The following GALNT13 variants were observed in gnomAD, a reference collection of about 807,000 sequenced individuals.
The protein encoded by GALNT13 is polypeptide N-acetylgalactosaminyltransferase 13.
Under a neutral mutation model 64.2 loss-of-function variants are expected in GALNT13, and 28 were observed. The ratio of observed to expected loss-of-function variants is 0.44; its 90% CI spans 0.32 to 0.60. The LOEUF is 0.60. Ranked by LOEUF, GALNT13 falls within the 20% of genes least tolerant of loss-of-function variation. GALNT13 has a pLI of 0.05. For missense variants in GALNT13, 577 were observed against 669.8 expected, an observed-to-expected ratio of 0.86 and a Z score of 1.53; for synonymous variants, 214 against 224.6, an observed-to-expected ratio of 0.95 and a Z score of 0.42.
intron 3 of GALNT13, among the ~76,000 whole-genome samples, chr2:154,016,785 GAAC>G (rs1008794386): frequency 2.6e-5 from 4 of 152,084 alleles, no homozygotes; most frequent in Admixed American, 6.6e-5. Context: ...CTAGAAAACT[GAAC>G]AACAATAATA....
chr2:153,825,942 T>C, the GALNT13 span, among the ~76,000 whole-genome samples: 1 of 152,180 alleles, frequency 6.6e-6, no homozygotes, highest in African/African-American at 2.4e-5. Context: ...GTGTTTATCC[T>C]AGCTCCCTGG....
At chr2:153,302,781 A>C in the GALNT13 span, among the ~76,000 whole-genome samples, 23 of 152,314 alleles carry the variant, frequency 1.5e-4, no homozygotes, top group South Asian at 2.1e-3. Flanking sequence ...TTGTTCCAAC[A>C]CCATTTATTG....
intron 4 of GALNT13, among the ~76,000 whole-genome samples, chr2:154,182,872 C>A (rs941729005): frequency 1.3e-5 from 2 of 151,972 alleles, no homozygotes; most frequent in Non-Finnish European, 2.9e-5. Context: ...TTCTCAGGGA[C>A]AAATCCCACT....
the GALNT13 span, among the ~76,000 whole-genome samples, chr2:153,746,866 T>C: frequency 6.6e-6 from 1 of 152,172 alleles, no homozygotes; most frequent in Non-Finnish European, 1.5e-5. Flanking sequence ...TCAGTATGTT[T>C]ATTAAATATT....
At chr2:153,277,383 T>A in the GALNT13 span, among the ~76,000 whole-genome samples, 1 of 152,226 alleles carries the variant, frequency 6.6e-6, no homozygotes, top group Non-Finnish European at 1.5e-5. Flanking sequence ...AAGTACATAA[T>A]TTCATTCTCT....
At chr2:153,269,848 G>A in the GALNT13 span, among the ~76,000 whole-genome samples, 1 of 152,138 alleles carries the variant, frequency 6.6e-6, no homozygotes, top group African/African-American at 2.4e-5. Flanking sequence ...GAAGGGGGAT[G>A]TGCCACCTTT....
the GALNT13 span, among the ~76,000 whole-genome samples, chr2:153,750,484 C>T: frequency 2.0e-5 from 3 of 151,476 alleles, no homozygotes; most frequent in East Asian, 5.8e-4. Context: ...ATTTTTATTA[C>T]GTTTTGATAT....
At chr2:153,246,000 C>A in the GALNT13 span, among the ~76,000 whole-genome samples, 50 of 151,668 alleles carry the variant, frequency 3.3e-4, no homozygotes, top group African/African-American at 1.1e-3. Context: ...CTTCGTAAAG[C>A]ATACACAAGT....
At chr2:153,562,814 C>T in the GALNT13 span, among the ~76,000 whole-genome samples, 1 of 151,990 alleles carries the variant, frequency 6.6e-6, no homozygotes, top group African/African-American at 2.4e-5. Flanking sequence ...TTATCCTTTC[C>T]TTTCCTTTAC....
the GALNT13 span, among the ~76,000 whole-genome samples, chr2:153,619,718 A>G: frequency 1.3e-5 from 2 of 152,098 alleles, no homozygotes; most frequent in African/African-American, 2.4e-5. Flanking sequence ...CAGATATACT[A>G]TTGTAAGGTA....
At chr2:154,113,858 GT>G (rs1463452072) in intron 3 of GALNT13, among the ~76,000 whole-genome samples, 1 of 152,232 alleles carries the variant, frequency 6.6e-6, no homozygotes, top group East Asian at 1.9e-4. Context: ...ATTGCTTCTG[GT>G]GGGCCTTATG....
At chr2:153,492,508 C>A in the GALNT13 span, among the ~76,000 whole-genome samples, 1 of 151,386 alleles carries the variant, frequency 6.6e-6, no homozygotes, top group Non-Finnish European at 1.5e-5. Context: ...ACTAAAGAAG[C>A]TAGCAAGAGA....
chr2:154,061,039 G>GCTT (rs1272108144), intron 3 of GALNT13, among the ~76,000 whole-genome samples: 102 of 63,654 alleles, frequency 1.6e-3, no homozygotes, highest in African/African-American at 5.4e-3. Flanking sequence ...AGTCTTCTTA[G>GCTT]CTTATATATA....
chr2:153,646,709 G>A, the GALNT13 span, among the ~76,000 whole-genome samples: 130 of 152,060 alleles, frequency 8.5e-4, no homozygotes, highest in Middle Eastern at 3.4e-3. Flanking sequence ...GAGAATATGC[G>A]GTGTTTGGTT....
chr2:153,374,893 A>T, the GALNT13 span, among the ~76,000 whole-genome samples: 1 of 152,116 alleles, frequency 6.6e-6, no homozygotes, highest in South Asian at 2.1e-4. Context: ...TGCTGCTGCT[A>T]TTACCAATTC....
chr2:153,520,508 T>A, the GALNT13 span, among the ~76,000 whole-genome samples: 1 of 152,192 alleles, frequency 6.6e-6, no homozygotes, highest in Non-Finnish European at 1.5e-5. Context: ...AAATCAGAAC[T>A]CAGTCTGACC....
At chr2:153,504,900 A>G in the GALNT13 span, among the ~76,000 whole-genome samples, 2 of 152,180 alleles carry the variant, frequency 1.3e-5, no homozygotes, top group South Asian at 4.1e-4. Context: ...GCTTCATAGA[A>G]TGGTTTAGGA....
chr2:153,767,805 T>C, the GALNT13 span, among the ~76,000 whole-genome samples: 55,680 of 151,002 alleles, frequency 0.37, 10,634 homozygotes, highest in African/African-American at 0.44. Flanking sequence ...TTTTTTTTTT[T>C]CCCCCTGTTT....
At chr2:154,366,384 G>GA (rs1697364800) in intron 9 of GALNT13, among the ~76,000 whole-genome samples, 1 of 152,140 alleles carries the variant, frequency 6.6e-6, no homozygotes, top group East Asian at 1.9e-4. Context: ...CGCTATATAT[G>GA]TAATTAACAT....
Sources: allele counts gnomAD v4.1 joint callset (sites outside exome capture counted in the v4.1 genomes callset), GRCh38; gene constraint gnomAD v4.1.1; transcripts MANE v1.5; gene names NCBI Gene and HGNC (gene_info 2026-07-23, HGNC 2026-07-21).